Variants in CWH43 observed in about 807,000 individuals in gnomAD.
The protein encoded by CWH43 is PGAP2-interacting protein.
Under a neutral mutation model 85.7 loss-of-function variants are expected in CWH43, and 91 were observed. The observed-to-expected ratio is 1.06, with a 90% CI of 0.90 to 1.26. The LOEUF (loss-of-function observed/expected upper bound fraction) is 1.26, where lower values mean the gene tolerates loss of function less well. Among genes scored for constraint, CWH43 ranks in the 50% most tolerant of loss-of-function variants. CWH43 has a pLI of 0.00. For missense variants in CWH43, 869 were observed against 839.2 expected (o/e 1.04, Z -0.44); for synonymous variants, 323 against 293.6 (o/e 1.10, Z -1.02).
At chr4:49,045,622 T>C (rs574025252) in intron 14 of CWH43, among the ~76,000 whole-genome samples, 8 of 152,272 alleles carry the variant, frequency 5.3e-5, no homozygotes, top group Non-Finnish European at 1.0e-4. Flanking sequence ...CCATATAGCT[T>C]AGGTGTGTAG....
In CWH43 at chr4:49,028,590, TCA is replaced by T. The variant is rs1783992978; in HGVS notation, c.1267-36_1267-35del. 6 of 1,479,242 alleles carry T rather than the reference TCA, an allele frequency of 4.1e-6. No individual in the cohort carries two copies. The East Asian group carries it at 9.1e-5, about 22-fold the overall frequency. 91.6% of individuals were successfully genotyped at this position (1,479,242 alleles called of 1,614,324 possible). A position where few individuals can be genotyped will look rare whatever the true frequency, so the allele number is the denominator to read the frequency against. On this transcript the variant is annotated intron_variant, in intron 9 of 15. Transcript: ENST00000226432. ...AGTGGGTCACTGAAACTGCCATTGTTCACAGTCATCCTAAACTACCATTAAAA... is the reference window on the plus strand; with the variant it reads ...AGTGGGTCACTGAAACTGCCATTGTTCAGTCATCCTAAACTACCATTAAAA...
chr4:49,019,081 C>T (rs1476779275), intron 9 of CWH43, among the ~76,000 whole-genome samples: 4 of 152,094 alleles, frequency 2.6e-5, no homozygotes, highest in Admixed American at 6.6e-5. Context: ...TAATGATTAC[C>T]AAATGTTTCT....
chr4:49,039,347 A>G (rs1335140898), intron 13 of CWH43, among the ~76,000 whole-genome samples: 1 of 100,126 alleles, frequency 1.0e-5, no homozygotes, highest in Non-Finnish European at 2.1e-5. Flanking sequence ...ATGTATATAT[A>G]TACTGATATA....
intron 15 of CWH43, 24 bp from the exon 16 acceptor site, chr4:49,061,785 CTTT>C (rs1174043799): frequency 1.5e-6 from 2 of 1,323,590 alleles, no homozygotes; most frequent in Non-Finnish European, 2.0e-6. Context: ...ATGCCAATAA[CTTT>C]TTATTTATTT....
intron 5 of CWH43, 104 bp from the exon 6 acceptor site, chr4:48,998,356 A>C (rs183149818): frequency 1.8e-3 from 1,476 of 839,994 alleles, no homozygotes; most frequent in Non-Finnish European, 2.6e-3. Context: ...CACACACGTT[A>C]TCTCTTATAT....
At chr4:48,995,965 C>T (rs1161692326) in intron 5 of CWH43, among the ~76,000 whole-genome samples, 2 of 151,534 alleles carry the variant, frequency 1.3e-5, no homozygotes, top group South Asian at 4.2e-4. Context: ...TCAGCAGTTC[C>T]CCCCCACCAA....
intron 8 of CWH43, among the ~76,000 whole-genome samples, chr4:49,009,641 A>G (rs922496839): frequency 3.3e-5 from 5 of 152,078 alleles, no homozygotes; most frequent in African/African-American, 1.2e-4. Context: ...TTATTTTCAG[A>G]TATATTCCAT....
intron 14 of CWH43, among the ~76,000 whole-genome samples, chr4:49,045,722 T>A (rs186747716): frequency 1.2e-4 from 19 of 152,284 alleles, no homozygotes; most frequent in East Asian, 1.9e-4. Flanking sequence ...TTCTTTTTTT[T>A]AAATATATTT....
At chr4:49,016,865 C>T (rs1783563682) in intron 8 of CWH43, 1 of 783,972 alleles carries the variant, frequency 1.3e-6, no homozygotes, top group Non-Finnish European at 2.4e-6. Context: ...CATGCCTTCT[C>T]TCCGAGTGCC....
At chr4:49,007,702 A>G (rs1783208063) in intron 8 of CWH43, among the ~76,000 whole-genome samples, 1 of 147,648 alleles carries the variant, frequency 6.8e-6, no homozygotes, top group South Asian at 2.1e-4. Context: ...TTTAATTCCC[A>G]CCTATGAGTG....
At chr4:49,012,387 G>C (rs1382905915) in intron 8 of CWH43, among the ~76,000 whole-genome samples, 1 of 152,162 alleles carries the variant, frequency 6.6e-6, no homozygotes, top group Non-Finnish European at 1.5e-5. Context: ...ATTTTTCAAG[G>C]TTTTTGGCTT....
intron 15 of CWH43, among the ~76,000 whole-genome samples, chr4:49,056,650 C>G (rs962295899): frequency 4.6e-5 from 7 of 151,722 alleles, no homozygotes; most frequent in African/African-American, 1.7e-4. Flanking sequence ...TTTCTATCAT[C>G]TATTTCATTA....
intron 15 of CWH43, among the ~76,000 whole-genome samples, chr4:49,056,205 G>A (rs919642323): frequency 1.3e-5 from 2 of 151,108 alleles, no homozygotes; most frequent in African/African-American, 2.4e-5. Flanking sequence ...TGAGAATGAT[G>A]GTTTCCAATT....
At chr4:49,041,938 G>T (rs188801295) in intron 13 of CWH43, among the ~76,000 whole-genome samples, 175 of 152,324 alleles carry the variant, frequency 1.1e-3, no homozygotes, top group African/African-American at 3.6e-3. Flanking sequence ...GAGGTGCAAT[G>T]TTTAGTCCTG....
At chr4:48,999,403 A>AT (rs1290284101) in intron 6 of CWH43, among the ~76,000 whole-genome samples, 1 of 152,204 alleles carries the variant, frequency 6.6e-6, no homozygotes, top group East Asian at 1.9e-4. Context: ...ATGTGTCTTT[A>AT]TGGTAGAACA....
intron 15 of CWH43, among the ~76,000 whole-genome samples, chr4:49,059,934 C>A (rs941631997): frequency 6.6e-6 from 1 of 152,144 alleles, no homozygotes; most frequent in African/African-American, 2.4e-5. Context: ...TGGGATAGAT[C>A]TGGAACCTGG....
chr4:49,032,215 T>A (rs1240769243), intron 11 of CWH43, among the ~76,000 whole-genome samples: 1 of 152,230 alleles, frequency 6.6e-6, no homozygotes, highest in African/African-American at 2.4e-5. Context: ...GGCAAGATTG[T>A]ACCTTCCCAT....
chr4:49,027,041 G>A (rs1330332369), intron 9 of CWH43, among the ~76,000 whole-genome samples: 1 of 152,188 alleles, frequency 6.6e-6, no homozygotes. Context: ...CCACTCTAGT[G>A]CCTCAAGCAG....
At chr4:49,030,243 G>A (rs929715644) in intron 10 of CWH43, among the ~76,000 whole-genome samples, 3 of 152,188 alleles carry the variant, frequency 2.0e-5, no homozygotes, top group African/African-American at 4.8e-5. Context: ...GACCAACTAC[G>A]GGTGTATGGA....
Sources: gnomAD v4.1 joint callset for allele counts (sites outside exome capture counted in the v4.1 genomes callset) on GRCh38, gnomAD v4.1.1 for gene constraint, MANE v1.5 for transcripts, NCBI Gene and HGNC (gene_info 2026-07-23, HGNC 2026-07-21) for gene names.